Variants in ESF1 observed in about 807,000 individuals in gnomAD.
ESF1 encodes the protein ESF1 homolog.
ESF1 carries 58 observed loss-of-function variants against 92.0 expected under a neutral mutation model. The ratio of observed to expected loss-of-function variants is 0.63; its 90% CI spans 0.51 to 0.78. The LOEUF is 0.78. ESF1 is among the 30% of genes least tolerant of loss of function. The pLI, the probability that ESF1 is intolerant of heterozygous loss-of-function variation, is 0.00. For synonymous variants in ESF1, 321 were observed against 313.7 expected, an observed-to-expected ratio of 1.02 and a Z score of -0.24; for missense variants, 922 against 989.1, an observed-to-expected ratio of 0.93 and a Z score of 0.91.
intron 11 of ESF1, among the ~76,000 whole-genome samples, chr20:13,726,104 T>G (rs2049898968): frequency 6.6e-6 from 1 of 152,182 alleles, no homozygotes; most frequent in African/African-American, 2.4e-5. Context: ...AACCATTATC[T>G]TTGGTCTAGA....
chr20:13,729,838 A>G (rs956541021), intron 10 of ESF1, among the ~76,000 whole-genome samples: 2 of 152,214 alleles, frequency 1.3e-5, no homozygotes, highest in African/African-American at 4.8e-5. Context: ...CAGACTTTTT[A>G]CTAAATTAGC....
chr20:13,727,000 A>C (rs2049904674), intron 11 of ESF1, among the ~76,000 whole-genome samples: 1 of 152,232 alleles, frequency 6.6e-6, no homozygotes, highest in African/African-American at 2.4e-5. Flanking sequence ...GGAACTTCTG[A>C]TAATAACTTT....
At chr20:13,729,219 C>T (rs935226658) in intron 10 of ESF1, among the ~76,000 whole-genome samples, 5 of 152,218 alleles carry the variant, frequency 3.3e-5, no homozygotes, top group African/African-American at 1.2e-4. Context: ...GATGGCGCAA[C>T]TGCACTCCAG....
At chr20:13,733,661 G>C in intron 10 of ESF1, 60 bp downstream of exon 10, 2 of 1,505,410 alleles carry the variant, frequency 1.3e-6, no homozygotes, top group Non-Finnish European at 1.8e-6. Flanking sequence ...CCAAGCACCT[G>C]GTACCATCTG....
At chr20:13,744,259 G>A (rs1386635901) in intron 9 of ESF1, among the ~76,000 whole-genome samples, 1 of 152,142 alleles carries the variant, frequency 6.6e-6, no homozygotes, top group Admixed American at 6.5e-5. Context: ...TATAAAGAAA[G>A]TAAAATCACA....
chr20:13,778,861 A>G (rs1289637121), intron 2 of ESF1, among the ~76,000 whole-genome samples: 2 of 152,162 alleles, frequency 1.3e-5, no homozygotes, highest in Admixed American at 1.3e-4. Flanking sequence ...CCTGGGCAAC[A>G]TGGCAAAACT....
At chr20:13,740,423 T>G (rs2050004674) in intron 9 of ESF1, among the ~76,000 whole-genome samples, 1 of 150,020 alleles carries the variant, frequency 6.7e-6, no homozygotes, top group Non-Finnish European at 1.5e-5. Context: ...TAGACAGAGG[T>G]AAAGAAAGAA....
Position 13,782,765 on chromosome 20 carries a change from C to T in ESF1, c.376G>A (p.Glu126Lys), listed in dbSNP as rs139391330. 3.1e-6 allele frequency: 5 copies of T among 1,598,728 alleles called. No individual in the cohort carries two copies. The African/African-American group carries it at 5.4e-5, about 17-fold the overall frequency. The stretch of plus-strand genomic sequence containing the variant: ...GAATTATCTAAATCAGTTTTATTTT[C>T]AGAACCCTTGTGATTAGCCTTCTTG... ...ETKKANHKGS[E>K]NKTDLDNSIG... The change falls in exon 2 of 14, where the codon GAA (glutamate) becomes AAA (lysine). Residue 126 changes from glutamate to lysine, a missense_variant. By Grantham distance (56) the Glu-to-Lys change is moderately conservative. Coordinates refer to ENST00000617257, the MANE Select transcript of ESF1 (RefSeq NM_001276380.2).
rs554780222 is a variant in ESF1 at position 13,761,146 on chromosome 20, G to A, written c.1667-1293C>T. On this transcript the variant is annotated intron_variant, in intron 8 of 13. Transcript: ENST00000617257. Reference sequence around the variant, plus strand: ...CAGGGTTAAATGGATTAAAGGCGGTGTAAGATGTGCTTTGTTAAACAGATG... The same window carrying A: ...CAGGGTTAAATGGATTAAAGGCGGTATAAGATGTGCTTTGTTAAACAGATG... 2.3e-4 allele frequency among the ~76,000 whole-genome samples: 35 copies of A among 152,150 alleles called. No homozygotes were observed. In the East Asian group the frequency reaches 2.3e-3, roughly 10 times the overall value.
At chr20:13,741,916 A>T (rs1483193663) in intron 9 of ESF1, among the ~76,000 whole-genome samples, 4 of 152,224 alleles carry the variant, frequency 2.6e-5, no homozygotes, top group African/African-American at 7.2e-5. Flanking sequence ...AAAAGCCAAC[A>T]GGAAAAGCAC....
intron 9 of ESF1, among the ~76,000 whole-genome samples, chr20:13,754,590 T>C (rs532289865): frequency 6.6e-6 from 1 of 152,322 alleles, no homozygotes; most frequent in Non-Finnish European, 1.5e-5. Flanking sequence ...AAAAAATTCT[T>C]GATGCTCCCT....
In ESF1 at chr20:13,717,393, T is replaced by G; in HGVS notation, c.2237A>C (p.Lys746Thr). 6.2e-7 allele frequency: 1 copy of G among 1,614,192 alleles called. No individual in the cohort carries two copies. Among genetic ancestry groups the G allele is most frequent in the Non-Finnish European group, 8.5e-7 (1 of 1,180,020 alleles). Residue 746 changes from lysine (K) to threonine (T), a missense_variant, in exon 13 of 14, where the codon AAG (lysine) becomes ACG (threonine). Transcript: ENST00000617257. ...CTCAAAGTCATCCTCTATTAATTCC[T>G]TCTTTTTCATGAGCTGCTTTTTCTT... ...KKKKKQLMKK[K>T]ELIEDDFEVN...
chr20:13,736,807 T>C (rs1180081121), intron 9 of ESF1, among the ~76,000 whole-genome samples: 1 of 151,932 alleles, frequency 6.6e-6, no homozygotes, highest in Non-Finnish European at 1.5e-5. Context: ...TGGTACTTTG[T>C]TTACAACAAT....
At chr20:13,736,379 A>G (rs73094147) in intron 9 of ESF1, among the ~76,000 whole-genome samples, 4,175 of 152,266 alleles carry the variant, frequency 0.027, 74 homozygotes, top group Non-Finnish European at 0.046. Flanking sequence ...TTCTAAAAAA[A>G]AGGGCTATGT....
At chr20:13,772,445 G>A in intron 5 of ESF1, 70 bp downstream of exon 5, 2 of 1,180,838 alleles carry the variant, frequency 1.7e-6, no homozygotes, top group South Asian at 2.5e-5. Context: ...AACTATTAAG[G>A]TGACCAGAAT....
intron 8 of ESF1, among the ~76,000 whole-genome samples, chr20:13,764,917 T>TAA (rs141430960): frequency 7.0e-6 from 1 of 143,598 alleles, no homozygotes; most frequent in Non-Finnish European, 1.5e-5. Context: ...TTTCAAACAT[T>TAA]AAAAAAAAAA....
chr20:13,766,771 C>G lies in ESF1; in HGVS notation c.1666+6G>C, dbSNP rs759243495. 1 of 1,612,340 alleles carries G rather than the reference C, an allele frequency of 6.2e-7. No homozygotes were observed. Among genetic ancestry groups the G allele is most frequent in the Admixed American group, 1.7e-5 (1 of 59,846 alleles). On this transcript the variant is annotated splice_donor_region_variant and intron_variant, in intron 8 of 13. Coordinates refer to ENST00000617257, the MANE Select transcript of ESF1 (RefSeq NM_001276380.2). The stretch of plus-strand genomic sequence containing the variant: ...CCATTAATGGTCACTGAAAGATTAA[C>G]AATACCTTGTAGCTCCTCTTCTATC...
At chr20:13,781,092 C>T (rs1407578103) in intron 2 of ESF1, among the ~76,000 whole-genome samples, 4 of 152,194 alleles carry the variant, frequency 2.6e-5, no homozygotes, top group Admixed American at 2.6e-4. Flanking sequence ...GTGACTTCTT[C>T]CTCCAGATTT....
rs181498881 is a variant in ESF1, at chr20:13,776,056, C to T, written c.852G>A (p.Glu284=). Residue 284 remains glutamate, a synonymous_variant, in exon 3 of 14, where the codon GAG becomes GAA. Transcript: ENST00000617257. The part of the protein sequence containing the change: ...DDEEEDEDEE[E]DEDEDSEDDD... ...CATCCTCACTATCCTCATCTTCATC[C>T]TCCTCTTCATCTTCATCCTCCTCTT... 3.3e-5 allele frequency: 54 copies of T among 1,613,118 alleles called. No individual in the cohort carries two copies. In the African/African-American group the frequency reaches 6.1e-4, roughly 18 times the overall value.
Sources: allele counts gnomAD v4.1 joint callset (sites outside exome capture counted in the v4.1 genomes callset), GRCh38; gene constraint gnomAD v4.1.1; transcripts MANE v1.5; gene names NCBI Gene and HGNC (gene_info 2026-07-23, HGNC 2026-07-21).